VPS13C: variants seen among roughly 807,000 people sequenced by gnomAD.
The protein encoded by VPS13C is intermembrane lipid transfer protein VPS13C.
In VPS13C, 358 loss-of-function variants were observed where a neutral mutation model predicts 456.8. The ratio of observed to expected loss-of-function variants is 0.78; its 90% confidence interval spans 0.72 to 0.86. The LOEUF (loss-of-function observed/expected upper bound fraction) is 0.86, where lower values mean the gene tolerates loss of function less well. VPS13C is among the 40% of genes least tolerant of loss of function. VPS13C has a pLI of 0.00. For missense variants in VPS13C, 4,818 were observed against 4,385.4 expected (o/e 1.10, Z -2.79); for synonymous variants, 1,578 against 1,486.7 (o/e 1.06, Z -1.41).
chr15:61,978,547 T>C (rs570702630), intron 23 of VPS13C, 79 bp downstream of exon 23: 66 of 1,479,822 alleles, frequency 4.5e-5, no homozygotes, highest in African/African-American at 1.7e-4. Context: ...GGTTGATATA[T>C]AGGCACACAT....
At chr15:61,959,700 C>G (rs995167686) in intron 35 of VPS13C, 105 bp from the exon 36 acceptor site, 5 of 1,113,480 alleles carry the variant, frequency 4.5e-6, no homozygotes, top group Middle Eastern at 2.4e-4. Context: ...AAATACTGAT[C>G]TGAAACAGTG....
chr15:61,906,386 G>A (rs1427192273), intron 66 of VPS13C, among the ~76,000 whole-genome samples: 1 of 152,134 alleles, frequency 6.6e-6, no homozygotes, highest in Non-Finnish European at 1.5e-5. Flanking sequence ...ACCATGCTGT[G>A]AACAGAATTC....
Position 61,911,864 on chromosome 15 carries a change from T to C in VPS13C, c.8691A>G (p.Lys2897=), listed in dbSNP as rs969199752. The C allele has an allele frequency of 5.6e-6, 9 of 1,611,024 alleles. No homozygotes were observed. The highest frequency in any genetic ancestry group is 7.6e-6 in the Non-Finnish European group (9 of 1,178,662). ...IASDGSMPTN[K]WNYIASSECL... Reference sequence around the variant, plus strand: ...CCTCTGAAGAAGCAATATAGTTCCATTTATTAGTTGGCATTGAGCCATCAG... The same window carrying C: ...CCTCTGAAGAAGCAATATAGTTCCACTTATTAGTTGGCATTGAGCCATCAG... The change falls in exon 63 of 85, where the codon AAA becomes AAG. Residue 2897 remains lysine (K), a synonymous_variant. Coordinates refer to ENST00000644861, the MANE Select transcript of VPS13C (RefSeq NM_020821.3).
chr15:62,017,431 A>C (rs1216465146), intron 9 of VPS13C, among the ~76,000 whole-genome samples: 2 of 152,144 alleles, frequency 1.3e-5, no homozygotes. Context: ...CTAACATGTA[A>C]GTCTTTAGTC....
At chr15:61,917,226 T>A in intron 60 of VPS13C, 115 bp downstream of exon 60, 1 of 1,086,050 alleles carries the variant, frequency 9.2e-7, no homozygotes. Context: ...TATGAAGGCA[T>A]TACACATTAC....
chr15:61,917,670 G>T lies in VPS13C; in HGVS notation c.7761-35C>A, dbSNP rs756220512. On this transcript the variant is annotated intron_variant, in intron 59 of 84. Transcript: ENST00000644861. ...GAGGAAACAGTGACAATAAAGTTTTGATCCACAACTTAAAAAAAAGCATCT... is the reference window on the plus strand; with the variant it reads ...GAGGAAACAGTGACAATAAAGTTTTTATCCACAACTTAAAAAAAAGCATCT... The T allele has an allele frequency of 3.2e-6, 5 of 1,581,348 alleles. No individual in the cohort carries two copies. In the African/African-American group the frequency reaches 6.8e-5, roughly 22 times the overall value.
intron 1 of VPS13C, among the ~76,000 whole-genome samples, chr15:62,045,277 C>CTTT (rs77083938): frequency 0.44 from 67,197 of 151,628 alleles, 16,087 homozygotes; most frequent in Admixed American, 0.57. Flanking sequence ...TTTGCCATTA[C>CTTT]TTTTAATGGC....
Position 61,920,654 on chromosome 15 carries a change from A to G in VPS13C, c.7063-7T>C. ...GAACTGGGTTCTTCTTTACCTATGA[A>G]GAAAAATAACACAGCAAATTTAAAT... On this transcript the variant is annotated splice_region_variant and splice_polypyrimidine_tract_variant and intron_variant, in intron 55 of 84. Transcript: ENST00000644861. 1 of 1,559,078 alleles carries G rather than the reference A, an allele frequency of 6.4e-7. No homozygotes were observed. The highest frequency in any genetic ancestry group is 8.6e-7 in the Non-Finnish European group (1 of 1,162,802).
chr15:62,044,144 AGTAG>A, intron 2 of VPS13C, 64 bp downstream of exon 2: 1 of 1,103,756 alleles, frequency 9.1e-7, no homozygotes, highest in South Asian at 1.4e-5. Flanking sequence ...TCAGATGCCT[AGTAG>A]GCAAAGGTTT....
At chr15:62,040,613 A>T (rs1039744241) in intron 3 of VPS13C, among the ~76,000 whole-genome samples, 1 of 152,126 alleles carries the variant, frequency 6.6e-6, no homozygotes, top group Non-Finnish European at 1.5e-5. Context: ...ACAAAGTTCA[A>T]TATCTGAGTG....
At chr15:61,857,563 T>C (rs989936470) in intron 82 of VPS13C, among the ~76,000 whole-genome samples, 7 of 152,188 alleles carry the variant, frequency 4.6e-5, no homozygotes, top group Non-Finnish European at 1.0e-4. Flanking sequence ...ATTTTTCCTT[T>C]TAAAAAATGT....
chr15:61,857,852 G>C (rs1389972755), intron 82 of VPS13C, among the ~76,000 whole-genome samples: 1 of 152,168 alleles, frequency 6.6e-6, no homozygotes, highest in East Asian at 1.9e-4. Context: ...ATGGAGTGTG[G>C]AGAACTGAAA....
chr15:61,962,667 T>A (rs2140322777), intron 33 of VPS13C, 82 bp downstream of exon 33: 2 of 1,309,818 alleles, frequency 1.5e-6, no homozygotes, highest in South Asian at 3.6e-5. Flanking sequence ...TTCATTAATG[T>A]TTTTAAAATA....
chr15:61,904,899 T>C (rs1334760961), intron 66 of VPS13C, among the ~76,000 whole-genome samples: 1 of 152,008 alleles, frequency 6.6e-6, no homozygotes, highest in African/African-American at 2.4e-5. Flanking sequence ...AAATAGCACA[T>C]GTTCTCACTC....
intron 16 of VPS13C, among the ~76,000 whole-genome samples, chr15:61,999,497 T>C (rs2046522107): frequency 6.6e-6 from 1 of 152,158 alleles, no homozygotes; most frequent in African/African-American, 2.4e-5. Flanking sequence ...TATGCCTTAA[T>C]CTCATTTAAA....
chr15:62,028,427 C>A lies in VPS13C; in HGVS notation c.386-7G>T. On this transcript the variant is annotated splice_region_variant and splice_polypyrimidine_tract_variant and intron_variant, in intron 5 of 84. Transcript: ENST00000644861. ...AACTCCCCTGAATGTGTGCCTGCAT[C>A]CCACATGGCAGCAATAACCAAAATG... 2 of 1,612,684 alleles carry A rather than the reference C, an allele frequency of 1.2e-6. No individual in the cohort carries two copies. The highest frequency in any genetic ancestry group is 1.7e-6 in the Non-Finnish European group (2 of 1,179,082).
intron 67 of VPS13C, among the ~76,000 whole-genome samples, chr15:61,888,598 T>A (rs145370319): frequency 5.5e-4 from 84 of 152,276 alleles, no homozygotes; most frequent in African/African-American, 2.0e-3. Flanking sequence ...AGAAGTTAAT[T>A]TGAATAGGTT....
At chr15:61,996,471 C>G (rs968403464) in intron 16 of VPS13C, among the ~76,000 whole-genome samples, 1 of 151,840 alleles carries the variant, frequency 6.6e-6, no homozygotes, top group Non-Finnish European at 1.5e-5. Context: ...ACTTGACATA[C>G]GAAAACAAAT....
At chr15:62,023,977 G>A in intron 6 of VPS13C, 132 bp from the exon 7 acceptor site, 1 of 559,228 alleles carries the variant, frequency 1.8e-6, no homozygotes, top group South Asian at 3.6e-5. Flanking sequence ...ATTCTAAACT[G>A]ACCTGTTACT....
Sources: gnomAD v4.1 joint callset for allele counts (sites outside exome capture counted in the v4.1 genomes callset) on GRCh38, gnomAD v4.1.1 for gene constraint, MANE v1.5 for transcripts, NCBI Gene and HGNC (gene_info 2026-07-23, HGNC 2026-07-21) for gene names.